ZNF804A: variants seen among roughly 807,000 people sequenced by gnomAD.
ZNF804A encodes zinc finger protein 804A.
Under a neutral mutation model 16.5 loss-of-function variants are expected in ZNF804A, and 2 were observed. That is an observed-to-expected ratio of 0.12 (90% CI 0.05 to 0.38). The LOEUF (loss-of-function observed/expected upper bound fraction) is 0.38, where lower values mean the gene tolerates loss of function less well. ZNF804A is among the 10% of genes least tolerant of loss of function. The pLI is 0.99. For synonymous variants in ZNF804A, 534 were observed against 489.6 expected, an observed-to-expected ratio of 1.09 and a Z score of -1.20; for missense variants, 1,473 against 1,390.7, an observed-to-expected ratio of 1.06 and a Z score of -0.94.
rs78607324 is a variant in ZNF804A at position 184,937,815 on chromosome 2, A to C, written c.2419A>C (p.Lys807Gln). 6.5e-5 allele frequency: 105 copies of C among 1,614,156 alleles called. 1 individual carries two copies. In the East Asian group the frequency reaches 2.2e-3, roughly 34 times the overall value. Residue 807 changes from lysine (K) to glutamine (Q), a missense_variant, in exon 4 of 4, where the codon AAG (lysine) becomes CAG (glutamine). Lys to Gln is a moderately conservative substitution (Grantham distance 53). Transcript: ENST00000302277. ...ACCAAGTACTTCAGTTGCTCCCTGC[A>C]AGCCTAAAAAGAAACGGAGGCGAAA... The part of the protein sequence containing the change: ...RPPSTSVAPC[K>Q]PKKKRRRKRG...
chr2:184,766,289 G>T (rs1309053676), intron 1 of ZNF804A, among the ~76,000 whole-genome samples: 1 of 151,980 alleles, frequency 6.6e-6, no homozygotes, highest in Non-Finnish European at 1.5e-5. Context: ...AATCTTAATA[G>T]ATAAGAATAT....
chr2:184,931,216 G>A (rs1316627630), intron 2 of ZNF804A, among the ~76,000 whole-genome samples: 2 of 152,220 alleles, frequency 1.3e-5, no homozygotes, highest in African/African-American at 4.8e-5. Context: ...CTGGAGGACA[G>A]TGGCCATCTT....
At chr2:184,687,098 C>T (rs369359195) in intron 1 of ZNF804A, among the ~76,000 whole-genome samples, 15 of 152,106 alleles carry the variant, frequency 9.9e-5, no homozygotes, top group South Asian at 2.1e-4. Context: ...TCTTTGCCAA[C>T]GCCAATGTTG....
intron 1 of ZNF804A, among the ~76,000 whole-genome samples, chr2:184,712,137 C>A (rs1312556649): frequency 6.6e-6 from 1 of 151,632 alleles, no homozygotes; most frequent in East Asian, 1.9e-4. Context: ...TCTTTAATTT[C>A]TTTCATCAGA....
intron 1 of ZNF804A, among the ~76,000 whole-genome samples, chr2:184,747,268 C>T (rs1421929438): frequency 1.4e-5 from 2 of 147,094 alleles, no homozygotes; most frequent in African/African-American, 2.5e-5. Flanking sequence ...GCTCGGGTCC[C>T]CTTCCACACT....
rs535194037 is a variant in ZNF804A, at chr2:184,799,044, G to T, written c.112-67325G>T. Among the ~76,000 whole-genome samples, 3 of 152,132 alleles carry T rather than the reference G, an allele frequency of 2.0e-5. No individual in the cohort carries two copies. In the South Asian group the frequency reaches 6.3e-4, roughly 32 times the overall value. ...TCAGCAAGTCTCTCTGGTACCGCGG[G>T]CTGTCAGCACAGAGTCCTGTGATAT... On this transcript the variant is annotated intron_variant, in intron 1 of 3. Transcript: ENST00000302277.
chr2:184,788,061 A>G (rs1015405991), intron 1 of ZNF804A, among the ~76,000 whole-genome samples: 1 of 151,922 alleles, frequency 6.6e-6, no homozygotes, highest in Non-Finnish European at 1.5e-5. Flanking sequence ...GCATGTTGCT[A>G]GCTAATTTTC....
chr2:184,903,151 A>G (rs1320084601), intron 2 of ZNF804A, among the ~76,000 whole-genome samples: 1 of 151,980 alleles, frequency 6.6e-6, no homozygotes, highest in Non-Finnish European at 1.5e-5. Context: ...AGTACTTTCT[A>G]TTTTTCTTAT....
intron 1 of ZNF804A, among the ~76,000 whole-genome samples, chr2:184,766,100 A>G (rs1694122885): frequency 6.6e-6 from 1 of 152,166 alleles, no homozygotes; most frequent in South Asian, 2.1e-4. Flanking sequence ...TCGATGTACA[A>G]TATATCAGTT....
chr2:184,818,725 TAAA>T (rs1003939466), intron 1 of ZNF804A, among the ~76,000 whole-genome samples: 1 of 150,520 alleles, frequency 6.6e-6, no homozygotes, highest in Non-Finnish European at 1.5e-5. Flanking sequence ...AGAAGGCAAA[TAAA>T]AAACAAAAAG....
At chr2:184,930,931 G>A (rs1026887961) in intron 2 of ZNF804A, among the ~76,000 whole-genome samples, 1 of 152,194 alleles carries the variant, frequency 6.6e-6, no homozygotes, top group East Asian at 1.9e-4. Context: ...AAAGTAAAGA[G>A]GTTTGACTCA....
intron 1 of ZNF804A, among the ~76,000 whole-genome samples, chr2:184,693,928 T>A (rs1034146713): frequency 4.2e-5 from 6 of 143,540 alleles, no homozygotes; most frequent in African/African-American, 1.5e-4. Flanking sequence ...ACTAACTTAG[T>A]CTTTTTTTTT....
intron 1 of ZNF804A, among the ~76,000 whole-genome samples, chr2:184,643,079 T>TA (rs1691817422): frequency 6.6e-6 from 1 of 152,084 alleles, no homozygotes; most frequent in Non-Finnish European, 1.5e-5. Context: ...AATCTCACAT[T>TA]AAAAAGCACA....
Position 184,939,054 on chromosome 2 carries a change from C to G in ZNF804A, c.*28C>G. 6.2e-7 allele frequency: 1 copy of G among 1,601,936 alleles called. No individual in the cohort carries two copies. ...ATCACCATAATGGGAAAAAAATACTCTTGTGAAAACTATTGCTATATGCGT... is the reference window on the plus strand; with the variant it reads ...ATCACCATAATGGGAAAAAAATACTGTTGTGAAAACTATTGCTATATGCGT... On this transcript the variant is annotated 3_prime_UTR_variant, in exon 4 of 4. Transcript: ENST00000302277.
chr2:184,881,424 A>C (rs1356546656), intron 2 of ZNF804A, among the ~76,000 whole-genome samples: 1 of 151,918 alleles, frequency 6.6e-6, no homozygotes, highest in Non-Finnish European at 1.5e-5. Context: ...TGCAGAGAAC[A>C]AGATACTACG....
At chr2:184,721,594 G>A (rs1305771534) in intron 1 of ZNF804A, among the ~76,000 whole-genome samples, 2 of 152,040 alleles carry the variant, frequency 1.3e-5, no homozygotes, top group Non-Finnish European at 2.9e-5. Context: ...ACAGGTGCTG[G>A]TGAGGATGTG....
chr2:184,785,038 A>G (rs1436423705), intron 1 of ZNF804A, among the ~76,000 whole-genome samples: 2 of 151,924 alleles, frequency 1.3e-5, no homozygotes, highest in East Asian at 3.9e-4. Context: ...TACGTATGTA[A>G]AAGTTTGTTC....
At chr2:184,758,677 G>A (rs972537073) in intron 1 of ZNF804A, among the ~76,000 whole-genome samples, 5 of 151,672 alleles carry the variant, frequency 3.3e-5, no homozygotes, top group African/African-American at 9.7e-5. Flanking sequence ...TTTAAACAGT[G>A]GATTTTACAG....
At chr2:184,787,817 T>C (rs1694472028) in intron 1 of ZNF804A, among the ~76,000 whole-genome samples, 1 of 144,888 alleles carries the variant, frequency 6.9e-6, no homozygotes, top group South Asian at 2.1e-4. Flanking sequence ...GTTTATTATT[T>C]CTTTTGCTGT....
Sources: allele counts gnomAD v4.1 joint callset (sites outside exome capture counted in the v4.1 genomes callset), GRCh38; gene constraint gnomAD v4.1.1; transcripts MANE v1.5; gene names NCBI Gene and HGNC (gene_info 2026-07-23, HGNC 2026-07-21).